Variants in C6orf58 observed in about 807,000 individuals in gnomAD.
The protein encoded by C6orf58 is protein LEG1 homolog.
Under a neutral mutation model 37.0 loss-of-function variants are expected in C6orf58, and 30 were observed. The ratio of observed to expected loss-of-function variants is 0.81; its 90% CI spans 0.61 to 1.10. The LOEUF (loss-of-function observed/expected upper bound fraction) is 1.10, where lower values mean the gene tolerates loss of function less well. Ranked by LOEUF, C6orf58 falls within the 50% of genes least tolerant of loss-of-function variation. The pLI is 0.00. For synonymous variants in C6orf58, 143 were observed against 134.1 expected, an observed-to-expected ratio of 1.07 and a Z score of -0.46; for missense variants, 368 against 387.5, an observed-to-expected ratio of 0.95 and a Z score of 0.42.
At chr6:127,577,967 C>A (rs1486501106) in intron 1 of C6orf58, among the ~76,000 whole-genome samples, 2 of 152,056 alleles carry the variant, frequency 1.3e-5, no homozygotes, top group Non-Finnish European at 2.9e-5. Flanking sequence ...AAATAAGGTA[C>A]CTTACAGTGT....
Position 127,577,442 on chromosome 6 carries a change from T to A in C6orf58, c.257T>A (p.Ile86Asn), listed in dbSNP as rs1311656677. 2.5e-6 allele frequency: 4 copies of A among 1,613,642 alleles called. No individual in the cohort carries two copies. The highest frequency in any genetic ancestry group is 3.4e-6 in the Non-Finnish European group (4 of 1,179,638). ...AKFAPDNEQN[I>N]LWGLPLQYGW... ...TTTGCACCAGATAATGAACAGAATATTTTATGGGGGTTGCCTCTGCAGTAT... is the reference window on the plus strand; with the variant it reads ...TTTGCACCAGATAATGAACAGAATAATTTATGGGGGTTGCCTCTGCAGTAT... The change falls in exon 1 of 6, where the codon ATT becomes AAT. Residue 86 changes from isoleucine to asparagine, a missense_variant. Ile to Asn is a moderately radical substitution (Grantham distance 149). Coordinates refer to ENST00000329722, the MANE Select transcript of C6orf58 (RefSeq NM_001010905.3).
At chr6:127,586,924 G>T (rs1004431074) in intron 4 of C6orf58, among the ~76,000 whole-genome samples, 4 of 152,152 alleles carry the variant, frequency 2.6e-5, no homozygotes, top group African/African-American at 9.7e-5. Flanking sequence ...TTGAAATCTG[G>T]AAGGAAATCT....
chr6:127,590,846 G>C (rs1430172174), intron 5 of C6orf58, among the ~76,000 whole-genome samples: 1 of 151,742 alleles, frequency 6.6e-6, no homozygotes. Flanking sequence ...AAAAACAGAG[G>C]GTTCTTTATC....
Position 127,591,651 on chromosome 6 carries a change from A to G in C6orf58, c.*29A>G. 6.8e-7 allele frequency: 1 copy of G among 1,460,006 alleles called. No individual in the cohort carries two copies. Among genetic ancestry groups the G allele is most frequent in the Non-Finnish European group, 9.0e-7 (1 of 1,105,852 alleles). The allele number at this position is 1,460,006 out of a possible 1,614,324, so 90.4% of individuals were successfully genotyped here. ...ATTTAACTTCAAACTTCAGGAAATGATTAATGAATTAAAAATGAAAAACTC... is the reference window on the plus strand; with the variant it reads ...ATTTAACTTCAAACTTCAGGAAATGGTTAATGAATTAAAAATGAAAAACTC... On this transcript the variant is annotated 3_prime_UTR_variant, in exon 6 of 6. Transcript: ENST00000329722.
Position 127,590,070 on chromosome 6 carries a change from T to G in C6orf58, c.675-17T>G. Reference sequence around the variant, plus strand: ...GGTGACTAATTATAATTAAATACTTTTCCGTTTGTCTTTTAGATATGATTA... The same window carrying G: ...GGTGACTAATTATAATTAAATACTTGTCCGTTTGTCTTTTAGATATGATTA... On this transcript the variant is annotated splice_polypyrimidine_tract_variant and intron_variant, in intron 4 of 5. Transcript: ENST00000329722. 1 of 1,557,494 alleles carries G rather than the reference T, an allele frequency of 6.4e-7. No homozygotes were observed. The highest frequency in any genetic ancestry group is 8.8e-7 in the Non-Finnish European group (1 of 1,132,854).
chr6:127,591,766 T>A lies in C6orf58; in HGVS notation c.*144T>A. On this transcript the variant is annotated 3_prime_UTR_variant, in exon 6 of 6. Transcript: ENST00000329722. ...ATATTTTTGATTTATGCTTATTTGT[T>A]AAGATCTTGTACATGTATTAAAAAC... 1.5e-6 allele frequency: 1 copy of A among 682,182 alleles called. No homozygotes were observed. Among genetic ancestry groups the A allele is most frequent in the Non-Finnish European group, 2.1e-6 (1 of 480,434 alleles). The allele number at this position is 682,182 out of a possible 1,614,324, so 42.3% of individuals were successfully genotyped here.
rs1245993473 is a variant in C6orf58 at position 127,591,652 on chromosome 6, T to C, written c.*30T>C. On this transcript the variant is annotated 3_prime_UTR_variant, in exon 6 of 6. Coordinates refer to ENST00000329722, the MANE Select transcript of C6orf58 (RefSeq NM_001010905.3). ...TTTAACTTCAAACTTCAGGAAATGATTAATGAATTAAAAATGAAAAACTCG... is the reference window on the plus strand; with the variant it reads ...TTTAACTTCAAACTTCAGGAAATGACTAATGAATTAAAAATGAAAAACTCG... 6.2e-6 allele frequency: 9 copies of C among 1,459,210 alleles called. No individual in the cohort carries two copies. The highest frequency in any genetic ancestry group is 8.1e-6 in the Non-Finnish European group (9 of 1,105,360). 90.4% of individuals were successfully genotyped at this position (1,459,210 alleles called of 1,614,324 possible). A position where few individuals can be genotyped will look rare whatever the true frequency, so the allele number is the denominator to read the frequency against.
At chr6:127,591,496 A>T (rs1032797107) in intron 5 of C6orf58, 47 bp from the exon 6 acceptor site, 4 of 1,461,466 alleles carry the variant, frequency 2.7e-6, no homozygotes, top group Non-Finnish European at 3.6e-6. Context: ...AAGGTACTTT[A>T]AAAAATTTGC....
chr6:127,590,650 A>G lies in C6orf58; in HGVS notation c.913+325A>G, dbSNP rs189566215. Reference sequence around the variant, plus strand: ...TTATTTTGCTCATCAGATCATTTAAAAAAAAAAACTTTCTACTTTGCTCTT... The same window carrying G: ...TTATTTTGCTCATCAGATCATTTAAGAAAAAAAACTTTCTACTTTGCTCTT... On this transcript the variant is annotated intron_variant, in intron 5 of 5. Transcript: ENST00000329722. 4.0e-4 allele frequency among the ~76,000 whole-genome samples: 61 copies of G among 152,120 alleles called. 1 individual carries two copies. Among genetic ancestry groups the G allele is most frequent in the Admixed American group, 3.7e-3 (56 of 15,296 alleles).
At chr6:127,578,551 A>G in intron 1 of C6orf58, 135 bp from the exon 2 acceptor site, 1 of 527,084 alleles carries the variant, frequency 1.9e-6, no homozygotes, top group Non-Finnish European at 3.4e-6. Flanking sequence ...AAAAAGAATG[A>G]TGGGAATACA....
intron 1 of C6orf58, 55 bp downstream of exon 1, chr6:127,577,541 T>C: frequency 2.6e-6 from 4 of 1,522,094 alleles, no homozygotes; most frequent in Non-Finnish European, 3.6e-6. Context: ...CTATGAAGTA[T>C]TTGGGAAATT....
intron 5 of C6orf58, 102 bp downstream of exon 5, chr6:127,590,427 A>G: frequency 1.3e-6 from 1 of 745,680 alleles, no homozygotes; most frequent in Non-Finnish European, 2.2e-6. Flanking sequence ...CAGCACTCCA[A>G]AAATAAAGAT....
chr6:127,584,268 C>T (rs1361417808), intron 4 of C6orf58, among the ~76,000 whole-genome samples: 1 of 152,142 alleles, frequency 6.6e-6, no homozygotes, highest in African/African-American at 2.4e-5. Flanking sequence ...AAATATATCA[C>T]TTGAGGTTTT....
At chr6:127,580,506 C>T (rs1199844645) in intron 3 of C6orf58, 57 bp downstream of exon 3, 15 of 1,405,026 alleles carry the variant, frequency 1.1e-5, no homozygotes, top group South Asian at 5.1e-5. Context: ...CATATAATTT[C>T]GTCTAGGATT....
intron 4 of C6orf58, among the ~76,000 whole-genome samples, chr6:127,582,717 G>C (rs981029201): frequency 5.9e-5 from 9 of 152,166 alleles, no homozygotes; most frequent in African/African-American, 2.2e-4. Context: ...ATACCTGCTG[G>C]TAAATTCCTC....
Position 127,578,749 on chromosome 6 carries a change from T to TCTC in C6orf58, c.366_368dup (p.Ser123dup). 1 of 1,612,752 alleles carries TCTC rather than the reference T, an allele frequency of 6.2e-7. No individual in the cohort carries two copies. Among genetic ancestry groups the TCTC allele is most frequent in the Non-Finnish European group, 8.5e-7 (1 of 1,179,006 alleles). Reference sequence around the variant, plus strand: ...TATGAATCTGGAGATCATATGTGCATCTCTGTGGACAGTTGGTGGGCTGGT... The same window carrying TCTC: ...TATGAATCTGGAGATCATATGTGCATCTCCTCTGTGGACAGTTGGTGGGCTGGT... On this transcript the variant is annotated inframe_insertion, in exon 2 of 6. Coordinates refer to ENST00000329722, the MANE Select transcript of C6orf58 (RefSeq NM_001010905.3).
chr6:127,586,898 G>A (rs1423286317), intron 4 of C6orf58, among the ~76,000 whole-genome samples: 1 of 152,120 alleles, frequency 6.6e-6, no homozygotes, highest in Non-Finnish European at 1.5e-5. Flanking sequence ...GGCAAGGAGT[G>A]GCAGTTACCT....
At chr6:127,591,508 A>G in intron 5 of C6orf58, 35 bp from the exon 6 acceptor site, 1 of 1,490,202 alleles carries the variant, frequency 6.7e-7, no homozygotes. Flanking sequence ...AAAATTTGCA[A>G]GAGTTTACAT....
intron 4 of C6orf58, among the ~76,000 whole-genome samples, chr6:127,582,862 C>G (rs1474620394): frequency 6.6e-6 from 1 of 152,028 alleles, no homozygotes; most frequent in African/African-American, 2.4e-5. Context: ...CATGGATTTG[C>G]CCACATATAT....
Sources: allele counts gnomAD v4.1 joint callset (sites outside exome capture counted in the v4.1 genomes callset), GRCh38; gene constraint gnomAD v4.1.1; transcripts MANE v1.5; gene names NCBI Gene and HGNC (gene_info 2026-07-23, HGNC 2026-07-21).